MAP2K5: variants seen among roughly 807,000 people sequenced by gnomAD.
MAP2K5 encodes mitogen-activated protein kinase kinase 5.
MAP2K5 carries 49 observed loss-of-function variants against 83.1 expected under a neutral mutation model. That is an observed-to-expected ratio of 0.59 (90% CI 0.47 to 0.75). The LOEUF (loss-of-function observed/expected upper bound fraction) is 0.75. Ranked by LOEUF, MAP2K5 falls within the 30% of genes least tolerant of loss-of-function variation. MAP2K5 has a pLI of 0.00. For missense variants in MAP2K5, 457 were observed against 557.5 expected (o/e 0.82, Z 1.82); for synonymous variants, 202 against 191.8 (o/e 1.05, Z -0.44).
At chr15:67,621,801 A>C (rs904595020) in intron 8 of MAP2K5, among the ~76,000 whole-genome samples, 1 of 152,342 alleles carries the variant, frequency 6.6e-6, no homozygotes, top group Non-Finnish European at 1.5e-5. Context: ...AAAAAAAACG[A>C]AAGTGTGTGT....
At chr15:67,670,728 G>GA (rs954599299) in intron 13 of MAP2K5, among the ~76,000 whole-genome samples, 8 of 150,486 alleles carry the variant, frequency 5.3e-5, no homozygotes, top group Non-Finnish European at 1.2e-4. Flanking sequence ...CCCACCCCAA[G>GA]AAAAAAAACC....
chr15:67,670,633 G>GT (rs2087507229), intron 13 of MAP2K5, among the ~76,000 whole-genome samples: 1 of 151,806 alleles, frequency 6.6e-6, no homozygotes, highest in African/African-American at 2.4e-5. Flanking sequence ...TTCTGTTATT[G>GT]TTTCTGTATC....
chr15:67,718,592 C>T (rs1307256407), intron 16 of MAP2K5, among the ~76,000 whole-genome samples: 3 of 152,086 alleles, frequency 2.0e-5, no homozygotes, highest in Non-Finnish European at 2.9e-5. Context: ...GATGAATCCC[C>T]GTCTCTACTA....
Position 67,755,538 on chromosome 15 carries a change from A to G in MAP2K5, c.1134+6937A>G, listed in dbSNP as rs2089816399. On this transcript the variant is annotated intron_variant, in intron 19 of 21. Transcript: ENST00000178640. This position sits in a 1 kb window ranked among gnomAD's most constrained non-coding sequence, Gnocchi z 4.7. ...CCTTCCACCACTGGTCATCTTCACT[A>G]GCATTTCTAGAAAGCATCAGGGGAG... 6.6e-6 allele frequency among the ~76,000 whole-genome samples: 1 copy of G among 152,172 alleles called. No individual in the cohort carries two copies. The highest frequency in any genetic ancestry group is 1.5e-5 in the Non-Finnish European group (1 of 68,028).
chr15:67,673,664 T>C (rs2087604278), intron 13 of MAP2K5, among the ~76,000 whole-genome samples: 1 of 152,172 alleles, frequency 6.6e-6, no homozygotes, highest in Non-Finnish European at 1.5e-5. Flanking sequence ...TTGGAAAGTA[T>C]TGCTATCAAT....
chr15:67,707,672 C>CT (rs1441199962), intron 16 of MAP2K5, among the ~76,000 whole-genome samples: 1 of 152,148 alleles, frequency 6.6e-6, no homozygotes, highest in Non-Finnish European at 1.5e-5. Context: ...ACAAAGGACT[C>CT]TGAGCCACAA....
chr15:67,651,661 C>T (rs1249160403), intron 11 of MAP2K5, among the ~76,000 whole-genome samples: 1 of 152,176 alleles, frequency 6.6e-6, no homozygotes, highest in Non-Finnish European at 1.5e-5. Flanking sequence ...AAATAATATC[C>T]ACCCATATTC....
chr15:67,735,758 T>A (rs2089326263), intron 17 of MAP2K5, among the ~76,000 whole-genome samples: 1 of 152,142 alleles, frequency 6.6e-6, no homozygotes, highest in Admixed American at 6.5e-5. Context: ...TTTTAAATAA[T>A]CAGTTTAGCC....
chr15:67,621,896 G>GA (rs1443367636), intron 8 of MAP2K5, among the ~76,000 whole-genome samples: 1 of 152,176 alleles, frequency 6.6e-6, no homozygotes, highest in Non-Finnish European at 1.5e-5. Context: ...GAAGAATAAA[G>GA]AAAGTGGCCG....
intron 2 of MAP2K5, among the ~76,000 whole-genome samples, chr15:67,558,632 T>C (rs1356319636): frequency 6.6e-6 from 1 of 152,208 alleles, no homozygotes; most frequent in Non-Finnish European, 1.5e-5. Context: ...GTCCCACCAT[T>C]GTTTCTCTGA....
At chr15:67,756,515 C>G (rs79978711) in intron 19 of MAP2K5, among the ~76,000 whole-genome samples, 15,684 of 131,572 alleles carry the variant, frequency 0.12, 985 homozygotes, top group East Asian at 0.24. Flanking sequence ...CACACAGTTA[C>G]TGTGTGTGTG....
Position 67,559,574 on chromosome 15 carries a change from A to G in MAP2K5, c.185-3709A>G, listed in dbSNP as rs1165758746. ...GTGACACACTGCAGATTTTGTGAAG[A>G]TTGCTTCATAATATTGGTTTACCAT... On this transcript the variant is annotated intron_variant, in intron 2 of 21. Coordinates refer to ENST00000178640, the MANE Select transcript of MAP2K5 (RefSeq NM_145160.3). This position sits in a 1 kb window ranked among gnomAD's most constrained non-coding sequence, Gnocchi z 4.7. Among the ~76,000 whole-genome samples the G allele has an allele frequency of 6.6e-6, 1 of 152,124 alleles. No homozygotes were observed. The highest frequency in any genetic ancestry group is 2.4e-5 in the African/African-American group (1 of 41,406).
At chr15:67,597,100 C>T (rs1596621357) in intron 7 of MAP2K5, among the ~76,000 whole-genome samples, 1 of 149,628 alleles carries the variant, frequency 6.7e-6, no homozygotes, top group Admixed American at 6.7e-5. Flanking sequence ...ACCCGGGAGG[C>T]GGAGCTTGCA....
chr15:67,763,081 G>GT (rs2089980059), intron 19 of MAP2K5, among the ~76,000 whole-genome samples: 1 of 152,132 alleles, frequency 6.6e-6, no homozygotes, highest in Admixed American at 6.6e-5. Flanking sequence ...AGTAGGATGA[G>GT]TAAAAGGCGG....
chr15:67,585,946 A>T lies in MAP2K5; in HGVS notation c.363+16A>T, dbSNP rs767656824. The T allele has an allele frequency of 3.7e-6, 6 of 1,610,606 alleles. No individual in the cohort carries two copies. Among genetic ancestry groups the T allele is most frequent in the Non-Finnish European group, 4.2e-6 (5 of 1,176,770 alleles). The stretch of plus-strand genomic sequence containing the variant: ...TGGCCTGAAGGTACGAATTTCAATA[A>T]TTGTTTCAGTAAAGTTAGATGGATT... On this transcript the variant is annotated intron_variant, in intron 5 of 21. Transcript: ENST00000178640.
chr15:67,652,398 C>T lies in MAP2K5; in HGVS notation c.736+5929C>T, dbSNP rs1015023626. ...CAGGCTGTATAAGAAACATGGTGCCCAGCACCTGTTTCTGGTCTGGGTCTC... is the reference window on the plus strand; with the variant it reads ...CAGGCTGTATAAGAAACATGGTGCCTAGCACCTGTTTCTGGTCTGGGTCTC... On this transcript the variant is annotated intron_variant, in intron 11 of 21. Coordinates refer to ENST00000178640, the MANE Select transcript of MAP2K5 (RefSeq NM_145160.3). This position sits in a 1 kb window ranked among gnomAD's most constrained non-coding sequence, Gnocchi z 4.2. Among the ~76,000 whole-genome samples the T allele has an allele frequency of 2.2e-4, 34 of 152,090 alleles. No homozygotes were observed. The highest frequency in any genetic ancestry group is 8.8e-5 in the Non-Finnish European group (6 of 68,024).
intron 7 of MAP2K5, 66 bp from the exon 8 acceptor site, chr15:67,600,619 T>C: frequency 7.9e-7 from 1 of 1,272,130 alleles, no homozygotes; most frequent in East Asian, 2.3e-5. Flanking sequence ...GGCCCAGAGT[T>C]GCTTTTCCTT....
At position 67,779,681 on chromosome 15, in the gene MAP2K5, T is replaced by C. The variant is rs1178391278; in HGVS notation, c.1242+6929T>C. On this transcript the variant is annotated intron_variant, in intron 21 of 21. Transcript: ENST00000178640. The surrounding 1 kb of genome is among the most constrained non-coding windows in gnomAD (Gnocchi z 4.6). Reference sequence around the variant, plus strand: ...ATGATGACTTGCCTGTTTAAGATTGTAGTTATTTGAACTCATGTCTCTAAT... The same window carrying C: ...ATGATGACTTGCCTGTTTAAGATTGCAGTTATTTGAACTCATGTCTCTAAT... Among the ~76,000 whole-genome samples the C allele has an allele frequency of 6.6e-6, 1 of 152,240 alleles. No homozygotes were observed. Among genetic ancestry groups the C allele is most frequent in the Non-Finnish European group, 1.5e-5 (1 of 68,034 alleles).
At chr15:67,556,288 A>G (rs1406338347) in intron 2 of MAP2K5, among the ~76,000 whole-genome samples, 1 of 151,904 alleles carries the variant, frequency 6.6e-6, no homozygotes, top group Admixed American at 6.6e-5. Flanking sequence ...TTTTCCGTGG[A>G]GAAGTTTAAA....
Sources: gnomAD v4.1 joint callset for allele counts (sites outside exome capture counted in the v4.1 genomes callset) on GRCh38, gnomAD v4.1.1 for gene constraint, Gnocchi (gnomAD v3.1) non-coding constraint, MANE v1.5 for transcripts, NCBI Gene and HGNC (gene_info 2026-07-23, HGNC 2026-07-21) for gene names.